LRFN2: variants seen among roughly 807,000 people sequenced by gnomAD.
LRFN2 encodes leucine-rich repeat and fibronectin type-III domain-containing protein 2.
In LRFN2, 18 loss-of-function variants were observed where a neutral mutation model predicts 37.3. The ratio of observed to expected loss-of-function variants is 0.48; its 90% CI spans 0.33 to 0.72. The LOEUF is 0.72. Among genes scored for constraint, LRFN2 ranks in the 30% least tolerant of loss-of-function variants. The probability of loss-of-function intolerance (pLI) is 0.02; values close to 1 mark genes in which losing one functional copy is unlikely to be tolerated. For synonymous variants in LRFN2, 556 were observed against 466.6 expected, an observed-to-expected ratio of 1.19 and a Z score of -2.47; for missense variants, 1,006 against 1,060.7, an observed-to-expected ratio of 0.95 and a Z score of 0.72.
rs1766780928 is a variant in LRFN2 at position 40,551,710 on chromosome 6, A to G, written c.-19+35231T>C. 2.0e-5 allele frequency among the ~76,000 whole-genome samples: 3 copies of G among 152,246 alleles called. No homozygotes were observed. The South Asian group carries it at 6.2e-4, about 32-fold the overall frequency. Reference sequence around the variant, plus strand: ...TGAGGATTGATTCCGGGATAGAACTACACAGGACATGATGCTAAGATCATA... The same window carrying G: ...TGAGGATTGATTCCGGGATAGAACTGCACAGGACATGATGCTAAGATCATA... On this transcript the variant is annotated intron_variant, in intron 1 of 2. Transcript: ENST00000338305.
At chr6:40,452,440 G>T (rs1482814390) in intron 1 of LRFN2, among the ~76,000 whole-genome samples, 2 of 152,312 alleles carry the variant, frequency 1.3e-5, no homozygotes, top group South Asian at 2.1e-4. Context: ...GGTGTCTCCA[G>T]TCAGTGTTAG....
At chr6:40,586,705 C>T (rs934731993) in intron 1 of LRFN2, among the ~76,000 whole-genome samples, 2 of 152,144 alleles carry the variant, frequency 1.3e-5, no homozygotes, top group Admixed American at 1.3e-4. Flanking sequence ...CCGCTCCCCG[C>T]CAGAGTTTCA....
intron 1 of LRFN2, chr6:40,517,515 T>C (rs1765917652): frequency 6.6e-6 from 1 of 152,218 alleles, no homozygotes; most frequent in African/African-American, 2.4e-5. Flanking sequence ...ATGTGGCCCC[T>C]GGACAAAGGC....
chr6:40,443,758 A>G (rs1363651253), intron 1 of LRFN2, among the ~76,000 whole-genome samples: 1 of 152,084 alleles, frequency 6.6e-6, no homozygotes, highest in African/African-American at 2.4e-5. Flanking sequence ...ATTTAGAGAG[A>G]TGTGGGCAGG....
At chr6:40,461,531 C>G (rs73430969) in intron 1 of LRFN2, among the ~76,000 whole-genome samples, 4,477 of 151,772 alleles carry the variant, frequency 0.029, 220 homozygotes, top group African/African-American at 0.1. Flanking sequence ...GTTGCAGCCC[C>G]GAAAATACAG....
intron 1 of LRFN2, among the ~76,000 whole-genome samples, chr6:40,577,790 AAT>A (rs1228397273): frequency 1.3e-4 from 14 of 107,688 alleles, no homozygotes; most frequent in African/African-American, 3.7e-4. Context: ...AAAAGGAAAA[AAT>A]AAATAAATAA....
At chr6:40,494,190 C>G (rs1359499444) in intron 1 of LRFN2, among the ~76,000 whole-genome samples, 1 of 152,210 alleles carries the variant, frequency 6.6e-6, no homozygotes, top group Non-Finnish European at 1.5e-5. Context: ...TTTCCATTCC[C>G]AGCTCTGTTC....
chr6:40,560,193 T>C (rs372613266), intron 1 of LRFN2, among the ~76,000 whole-genome samples: 1 of 152,184 alleles, frequency 6.6e-6, no homozygotes, highest in Non-Finnish European at 1.5e-5. Context: ...GGGAATCTAG[T>C]CCAGGAGGCG....
chr6:40,451,832 G>T (rs148864631), intron 1 of LRFN2, among the ~76,000 whole-genome samples: 1 of 152,200 alleles, frequency 6.6e-6, no homozygotes, highest in African/African-American at 2.4e-5. Context: ...CAAATGCCTT[G>T]TTTGGATGTT....
At chr6:40,447,463 C>T (rs1040456189) in intron 1 of LRFN2, among the ~76,000 whole-genome samples, 15 of 152,210 alleles carry the variant, frequency 9.9e-5, no homozygotes, top group African/African-American at 2.9e-4. Flanking sequence ...TGTCTTCTTC[C>T]ACCTGAACTA....
Position 40,577,338 on chromosome 6 carries a change from G to A in LRFN2, c.-19+9603C>T, listed in dbSNP as rs180756889. Among the ~76,000 whole-genome samples the A allele has an allele frequency of 3.5e-3, 525 of 152,012 alleles. 3 individuals carry two copies. Among genetic ancestry groups the A allele is most frequent in the African/African-American group, 0.012 (504 of 41,438 alleles). ...GCTGGTCTCGAACTCCTGAGCTCAG[G>A]CAATCTGCCTGCCTTGGCCTCCCAA... On this transcript the variant is annotated intron_variant, in intron 1 of 2. Transcript: ENST00000338305.
chr6:40,439,480 T>C (rs1763779238), intron 1 of LRFN2, among the ~76,000 whole-genome samples: 1 of 152,144 alleles, frequency 6.6e-6, no homozygotes, highest in Non-Finnish European at 1.5e-5. Context: ...GAAACTTGAG[T>C]TCCACTTGTA....
Position 40,444,311 on chromosome 6 carries a change from C to T in LRFN2, c.-18-11180G>A, listed in dbSNP as rs75546644. On this transcript the variant is annotated intron_variant, in intron 1 of 2. Transcript: ENST00000338305. The stretch of plus-strand genomic sequence containing the variant: ...GAAAGAAGAAAGAGACAGAGACAGA[C>T]GAGAGAAATTAATCCATTGGAAACA... Among the ~76,000 whole-genome samples the T allele has an allele frequency of 4.3e-3, 652 of 152,160 alleles. 17 individuals are homozygous for T. In the East Asian group the frequency reaches 0.055, roughly 13 times the overall value.
intron 1 of LRFN2, among the ~76,000 whole-genome samples, chr6:40,511,425 C>A (rs1297512669): frequency 6.6e-6 from 1 of 152,142 alleles, no homozygotes; most frequent in African/African-American, 2.4e-5. Context: ...AAATAAACAT[C>A]TTAGAATTGA....
rs1581670133 is a variant in LRFN2 at position 40,392,407 on chromosome 6, C to G, written c.1906G>C (p.Gly636Arg). 2.5e-6 allele frequency: 4 copies of G among 1,571,874 alleles called. No homozygotes were observed. Among genetic ancestry groups the G allele is most frequent in the Non-Finnish European group, 3.5e-6 (4 of 1,158,846 alleles). Residue 636 changes from glycine to arginine, a missense_variant, in exon 3 of 3, where the codon GGA becomes CGA. By Grantham distance (125) the Gly-to-Arg change is moderately radical. Coordinates refer to ENST00000338305, the MANE Select transcript of LRFN2 (RefSeq NM_020737.3). This position sits in a 1 kb window ranked among gnomAD's most constrained non-coding sequence, Gnocchi z 4.7. The part of the protein sequence containing the change: ...SLGSGEAAGL[G>R]RAPWRIPPSA... ...GGTGGGATCCTCCAGGGGGCCCGTC[C>G]CAGCCCCGCAGCCTCCCCACTGCCC... is the stretch of plus-strand genomic sequence containing the variant.
chr6:40,486,195 G>A (rs1049386972), intron 1 of LRFN2, among the ~76,000 whole-genome samples: 3 of 152,202 alleles, frequency 2.0e-5, no homozygotes, highest in African/African-American at 7.2e-5. Context: ...ATGCAGGTGT[G>A]GGCAGTGGGC....
intron 1 of LRFN2, among the ~76,000 whole-genome samples, chr6:40,453,433 A>C (rs1301572264): frequency 6.6e-6 from 1 of 151,042 alleles, no homozygotes; most frequent in Non-Finnish European, 1.5e-5. Context: ...CACCCACCGC[A>C]ACCACCCTTA....
chr6:40,526,723 A>G (rs766784872), intron 1 of LRFN2, among the ~76,000 whole-genome samples: 1 of 152,110 alleles, frequency 6.6e-6, no homozygotes, highest in African/African-American at 2.4e-5. Context: ...CTCCCCACTC[A>G]AACTCCTCCT....
intron 1 of LRFN2, among the ~76,000 whole-genome samples, chr6:40,552,502 TG>T (rs1284682240): frequency 6.6e-6 from 1 of 152,208 alleles, no homozygotes; most frequent in Non-Finnish European, 1.5e-5. Context: ...TTCTTACACA[TG>T]TAGCTGAGCA....
Sources: allele counts gnomAD v4.1 joint callset (sites outside exome capture counted in the v4.1 genomes callset), GRCh38; gene constraint gnomAD v4.1.1; non-coding constraint Gnocchi (gnomAD v3.1); transcripts MANE v1.5; gene names NCBI Gene and HGNC (gene_info 2026-07-23, HGNC 2026-07-21).